PCCA: variants seen among roughly 807,000 people sequenced by gnomAD.
PCCA encodes propionyl-CoA carboxylase subunit alpha, also known as propionyl-CoA carboxylase alpha chain, mitochondrial.
Under a neutral mutation model 101.3 loss-of-function variants are expected in PCCA, and 74 were observed. The ratio of observed to expected loss-of-function variants is 0.73; its 90% confidence interval spans 0.61 to 0.89. The LOEUF (loss-of-function observed/expected upper bound fraction) is 0.89, where lower values mean the gene tolerates loss of function less well. Among genes scored for constraint, PCCA ranks in the 40% least tolerant of loss-of-function variants. The probability of loss-of-function intolerance (pLI) is 0.00; values close to 1 mark genes in which losing one functional copy is unlikely to be tolerated. For synonymous variants in PCCA, 294 were observed against 313.6 expected, an observed-to-expected ratio of 0.94 and a Z score of 0.66; for missense variants, 891 against 907.0, an observed-to-expected ratio of 0.98 and a Z score of 0.23.
At chr13:100,319,113 G>T (rs1042700175) in intron 16 of PCCA, among the ~76,000 whole-genome samples, 2 of 152,146 alleles carry the variant, frequency 1.3e-5, no homozygotes, top group African/African-American at 2.4e-5. Context: ...TCATTTGTCT[G>T]TTGGCTGCAT....
intron 4 of PCCA, among the ~76,000 whole-genome samples, chr13:100,137,435 G>A (rs949019152): frequency 6.6e-6 from 1 of 152,130 alleles, no homozygotes; most frequent in Non-Finnish European, 1.5e-5. Flanking sequence ...TCTTTTGAGA[G>A]TCTTGATGTT....
chr13:100,410,800 T>A (rs2078004364), intron 19 of PCCA, among the ~76,000 whole-genome samples: 1 of 152,214 alleles, frequency 6.6e-6, no homozygotes, highest in South Asian at 2.1e-4. Flanking sequence ...TATTAAATTT[T>A]GCATTAGTGT....
chr13:100,511,892 C>T (rs1272016598), intron 21 of PCCA, among the ~76,000 whole-genome samples: 1 of 152,182 alleles, frequency 6.6e-6, no homozygotes, highest in Non-Finnish European at 1.5e-5. Flanking sequence ...ATGTACTGTA[C>T]AAATACAGAA....
intron 7 of PCCA, among the ~76,000 whole-genome samples, chr13:100,216,878 G>T (rs1473281162): frequency 6.6e-6 from 1 of 152,112 alleles, no homozygotes; most frequent in East Asian, 1.9e-4. Flanking sequence ...GGAGGCCGAG[G>T]TGGGCGGATC....
chr13:100,108,589 G>A (rs1026791850), intron 2 of PCCA, among the ~76,000 whole-genome samples: 5 of 152,170 alleles, frequency 3.3e-5, no homozygotes, highest in Non-Finnish European at 7.3e-5. Flanking sequence ...TACACATGCT[G>A]TTCATGTGCT....
chr13:100,129,994 C>A (rs1393498911), intron 4 of PCCA, among the ~76,000 whole-genome samples: 2 of 152,126 alleles, frequency 1.3e-5, no homozygotes, highest in African/African-American at 4.8e-5. Context: ...GTTTTATTGT[C>A]ATTGTTGTAC....
chr13:100,095,980 A>G (rs1332605414), intron 1 of PCCA, among the ~76,000 whole-genome samples: 12 of 152,146 alleles, frequency 7.9e-5, no homozygotes, highest in Non-Finnish European at 1.8e-4. Context: ...GTTGTAGAAG[A>G]CCAAGCTAGA....
At chr13:100,362,168 C>G (rs1182335920) in intron 18 of PCCA, among the ~76,000 whole-genome samples, 1 of 151,970 alleles carries the variant, frequency 6.6e-6, no homozygotes, top group Non-Finnish European at 1.5e-5. Context: ...TTGTGAAGCT[C>G]AGAACAGGCA....
intron 19 of PCCA, among the ~76,000 whole-genome samples, chr13:100,392,462 AC>A (rs2076846013): frequency 6.6e-6 from 1 of 152,184 alleles, no homozygotes; most frequent in South Asian, 2.1e-4. Context: ...TAAATTTAGC[AC>A]CTAGGAAATG....
intron 19 of PCCA, among the ~76,000 whole-genome samples, chr13:100,418,933 A>G (rs950257037): frequency 6.6e-6 from 1 of 151,916 alleles, no homozygotes; most frequent in Admixed American, 6.6e-5. Flanking sequence ...CTGTTCTTCA[A>G]GAGCCGGCCT....
intron 20 of PCCA, among the ~76,000 whole-genome samples, chr13:100,429,709 C>A (rs559501723): frequency 6.6e-6 from 1 of 151,902 alleles, no homozygotes; most frequent in Non-Finnish European, 1.5e-5. Context: ...CGGGTTCAAG[C>A]GATTCTCTTG....
chr13:100,525,543 C>T (rs1035660473), intron 22 of PCCA, among the ~76,000 whole-genome samples: 3 of 152,250 alleles, frequency 2.0e-5, no homozygotes, highest in Non-Finnish European at 2.9e-5. Context: ...TTGCCCCTAG[C>T]GTGACCTTGG....
chr13:100,365,428 C>A (rs1381136454), intron 18 of PCCA, among the ~76,000 whole-genome samples: 1 of 152,140 alleles, frequency 6.6e-6, no homozygotes, highest in African/African-American at 2.4e-5. Flanking sequence ...TGGGTTGGAA[C>A]AGGATGTCAG....
intron 6 of PCCA, among the ~76,000 whole-genome samples, chr13:100,194,452 C>T (rs987844297): frequency 6.6e-6 from 1 of 152,220 alleles, no homozygotes; most frequent in African/African-American, 2.4e-5. Flanking sequence ...GAGTCTCCCT[C>T]TGTCGCCCAG....
chr13:100,097,219 G>A (rs1248511806), intron 1 of PCCA, among the ~76,000 whole-genome samples: 1 of 152,172 alleles, frequency 6.6e-6, no homozygotes, highest in Non-Finnish European at 1.5e-5. Flanking sequence ...AAGACAGAAA[G>A]TAGATTAGTG....
At chr13:100,438,645 A>G (rs533300543) in intron 20 of PCCA, among the ~76,000 whole-genome samples, 4 of 151,870 alleles carry the variant, frequency 2.6e-5, no homozygotes, top group South Asian at 2.1e-4. Context: ...TCCCTGTGGC[A>G]TATAAGCTCT....
intron 7 of PCCA, among the ~76,000 whole-genome samples, chr13:100,214,102 G>A (rs1469421443): frequency 6.6e-6 from 1 of 152,110 alleles, no homozygotes; most frequent in Admixed American, 6.5e-5. Context: ...GTACTATGCT[G>A]TTTTGATTGC....
intron 19 of PCCA, among the ~76,000 whole-genome samples, chr13:100,417,569 G>A (rs2078458354): frequency 6.6e-6 from 1 of 152,172 alleles, no homozygotes; most frequent in African/African-American, 2.4e-5. Context: ...GTCTGCCTGA[G>A]AGATGCAGTG....
chr13:100,509,078 A>G (rs2086284757), intron 21 of PCCA, among the ~76,000 whole-genome samples: 1 of 152,130 alleles, frequency 6.6e-6, no homozygotes. Flanking sequence ...GGTAACTTGA[A>G]CTAGACTTGC....
Sources: allele counts gnomAD v4.1 joint callset (sites outside exome capture counted in the v4.1 genomes callset), GRCh38; gene constraint gnomAD v4.1.1; transcripts MANE v1.5; gene names NCBI Gene and HGNC (gene_info 2026-07-23, HGNC 2026-07-21).